The following CCDC27 variants were observed in gnomAD, a reference collection of about 807,000 sequenced individuals.
The protein encoded by CCDC27 is coiled-coil domain-containing protein 27.
In CCDC27, 80 loss-of-function variants were observed where a neutral mutation model predicts 80.3. That is an observed-to-expected ratio of 1.00 (90% confidence interval 0.83 to 1.20). CCDC27 has a LOEUF of 1.20. Ranked by LOEUF, CCDC27 falls within the 50% of genes most tolerant of loss-of-function variation. The probability of loss-of-function intolerance (pLI) is 0.00; values close to 1 mark genes in which losing one functional copy is unlikely to be tolerated. For synonymous variants in CCDC27, 342 were observed against 334.3 expected (o/e 1.02, Z -0.25); for missense variants, 815 against 809.4 (o/e 1.01, Z -0.08).
Position 3,766,901 on chromosome 1 carries a change from T to C in CCDC27, c.1530+289T>C, listed in dbSNP as rs1643239799. Among the ~76,000 whole-genome samples, 1 of 141,316 alleles carries C rather than the reference T, an allele frequency of 7.1e-6. No individual in the cohort carries two copies. Among genetic ancestry groups the C allele is most frequent in the African/African-American group, 2.7e-5 (1 of 36,766 alleles). 92.7% of individuals were successfully genotyped at this position (141,316 alleles called of 152,430 possible). On this transcript the variant is annotated intron_variant, in intron 9 of 11. Coordinates refer to ENST00000294600, the MANE Select transcript of CCDC27 (RefSeq NM_152492.3). This position sits in a 1 kb window ranked among gnomAD's most constrained non-coding sequence, Gnocchi z 6.1. ...CCGTCACCAGGCTGGAGTGCAGTGG[T>C]GTGATCTCAGCTCACTGCAACCTCC...
Position 3,769,917 on chromosome 1 carries a change from C to G in CCDC27, c.1848+30C>G. On this transcript the variant is annotated intron_variant, in intron 11 of 11. Transcript: ENST00000294600. This position sits in a 1 kb window ranked among gnomAD's most constrained non-coding sequence, Gnocchi z 4.6. ...ACCCCTAAGCTCAGCTGCCTCTATC[C>G]GGGCCCCAGACCCCCAGGCCAGAGC... 1 of 1,551,182 alleles carries G rather than the reference C, an allele frequency of 6.4e-7. No homozygotes were observed. The highest frequency in any genetic ancestry group is 8.9e-7 in the Non-Finnish European group (1 of 1,122,696).
chr1:3,756,719 C>G lies in CCDC27; in HGVS notation c.554-14C>G. 1.9e-6 allele frequency: 3 copies of G among 1,613,296 alleles called. No individual in the cohort carries two copies. Among genetic ancestry groups the G allele is most frequent in the Admixed American group, 3.3e-5 (2 of 59,988 alleles). The stretch of plus-strand genomic sequence containing the variant: ...AGGGTCTCATTTCTCACTTGGCCTC[C>G]GCTGTCGCCACAGGGTACCTCCTTC... On this transcript the variant is annotated splice_polypyrimidine_tract_variant and intron_variant, in intron 3 of 11. Coordinates refer to ENST00000294600, the MANE Select transcript of CCDC27 (RefSeq NM_152492.3).
chr1:3,758,493 T>C (rs1643015363), intron 4 of CCDC27, among the ~76,000 whole-genome samples: 1 of 151,924 alleles, frequency 6.6e-6, no homozygotes, highest in South Asian at 2.1e-4. Flanking sequence ...GCCTTTATTT[T>C]TTAGAGAAAG....
intron 11 of CCDC27, 61 bp from the exon 12 acceptor site, chr1:3,771,340 G>A (rs1643357869): frequency 5.0e-6 from 8 of 1,609,644 alleles, no homozygotes; most frequent in Admixed American, 1.7e-5. Flanking sequence ...TGTGCAGACC[G>A]GCCTCAAGGC....
rs1373129168 is a variant in CCDC27 at position 3,763,874 on chromosome 1, C to CA, written c.1452+39dup. Reference sequence around the variant, plus strand: ...TCAGTACCGGCCTCCGCTCCATGAGCATGGGCCCCAGGCTTCATTAACCCC... The same window carrying CA: ...TCAGTACCGGCCTCCGCTCCATGAGCAATGGGCCCCAGGCTTCATTAACCCC... On this transcript the variant is annotated intron_variant, in intron 8 of 11. Coordinates refer to ENST00000294600, the MANE Select transcript of CCDC27 (RefSeq NM_152492.3). The surrounding 1 kb of genome is among the most constrained non-coding windows in gnomAD (Gnocchi z 7.5). 27 of 1,605,916 alleles carry CA rather than the reference C, an allele frequency of 1.7e-5. No individual in the cohort carries two copies. The highest frequency in any genetic ancestry group is 2.2e-5 in the Non-Finnish European group (26 of 1,174,676).
chr1:3,761,477 T>G lies in CCDC27; in HGVS notation c.861+47T>G. The G allele has an allele frequency of 6.3e-7, 1 of 1,589,292 alleles. No individual in the cohort carries two copies. Among genetic ancestry groups the G allele is most frequent in the Non-Finnish European group, 8.6e-7 (1 of 1,167,646 alleles). ...ACAGCGCAGAGCTCTAAGACGGTTG[T>G]TTTCAAAGCGTCCAAAGCTGCTAGT... On this transcript the variant is annotated intron_variant, in intron 5 of 11. Transcript: ENST00000294600. This position sits in a 1 kb window ranked among gnomAD's most constrained non-coding sequence, Gnocchi z 5.0.
chr1:3,761,231 G>C lies in CCDC27; in HGVS notation c.712-50G>C. On this transcript the variant is annotated intron_variant, in intron 4 of 11. Transcript: ENST00000294600. The surrounding 1 kb of genome is among the most constrained non-coding windows in gnomAD (Gnocchi z 5.0). ...GTGGGCTGGAGGCAGGTCAGGGGAAGAGTGTGTGGCTGCATGGCCCACGGG... is the reference window on the plus strand; with the variant it reads ...GTGGGCTGGAGGCAGGTCAGGGGAACAGTGTGTGGCTGCATGGCCCACGGG... 1 of 1,595,066 alleles carries C rather than the reference G, an allele frequency of 6.3e-7. No individual in the cohort carries two copies. Among genetic ancestry groups the C allele is most frequent in the Non-Finnish European group, 8.6e-7 (1 of 1,169,584 alleles).
chr1:3,752,740 CA>C lies in CCDC27; in HGVS notation c.263del (p.Lys88SerfsTer122). The C allele has an allele frequency of 1.2e-6, 2 of 1,613,758 alleles. No homozygotes were observed. Among genetic ancestry groups the C allele is most frequent in the Non-Finnish European group, 1.7e-6 (2 of 1,180,022 alleles). ...CCGGTGCCCAGAATGGAAACCGCACCAAAAGCCACGCACGCTCAGCAAGTCG... is the reference window on the plus strand; with the variant it reads ...CCGGTGCCCAGAATGGAAACCGCACCAAAGCCACGCACGCTCAGCAAGTCG... ...DARCPEWKPH[Q>X]KPRTLSKSVQ... On this transcript the variant is annotated frameshift_variant, in exon 1 of 12. Coordinates refer to ENST00000294600, the MANE Select transcript of CCDC27 (RefSeq NM_152492.3). LOFTEE classifies it high-confidence loss of function.
rs775385715 is a variant in CCDC27 at position 3,767,425 on chromosome 1, C to A, written c.1723C>A (p.Leu575Met). ...GGCAGAGCAGCACACCCGCGTGGCCCTGGAGAGCTCCCAGTCCAGGGTATG... is the reference window on the plus strand; with the variant it reads ...GGCAGAGCAGCACACCCGCGTGGCCATGGAGAGCTCCCAGTCCAGGGTATG... ...QQAEQHTRVA[L>M]ESSQSRLERL... The change falls in exon 10 of 12, where the codon CTG becomes ATG. Residue 575 changes from leucine (L) to methionine (M), a missense_variant. By Grantham distance (15) the Leu-to-Met change is conservative. Transcript: ENST00000294600. 5.0e-6 allele frequency: 8 copies of A among 1,612,712 alleles called. No homozygotes were observed. The highest frequency in any genetic ancestry group is 5.9e-6 in the Non-Finnish European group (7 of 1,179,836).
Position 3,761,624 on chromosome 1 carries a change from T to C in CCDC27, c.861+194T>C, listed in dbSNP as rs543120118. 3.3e-5 allele frequency among the ~76,000 whole-genome samples: 5 copies of C among 151,278 alleles called. No individual in the cohort carries two copies. In the South Asian group the frequency reaches 1.1e-3, roughly 32 times the overall value. On this transcript the variant is annotated intron_variant, in intron 5 of 11. Coordinates refer to ENST00000294600, the MANE Select transcript of CCDC27 (RefSeq NM_152492.3). The surrounding 1 kb of genome is among the most constrained non-coding windows in gnomAD (Gnocchi z 5.0). ...GGGAGAGGCGAACAGAGGCACGAAA[T>C]GACAAATGAGAGCCATGAGCTGATG... is the stretch of plus-strand genomic sequence containing the variant.
chr1:3,753,805 G>A (rs1173911244), intron 1 of CCDC27, among the ~76,000 whole-genome samples: 1 of 152,172 alleles, frequency 6.6e-6, no homozygotes, highest in African/African-American at 2.4e-5. Flanking sequence ...GTGGGGTCGG[G>A]GGGCCTGTCT....
At chr1:3,764,538 G>A (rs749973463) in intron 8 of CCDC27, among the ~76,000 whole-genome samples, 15 of 151,790 alleles carry the variant, frequency 9.9e-5, no homozygotes, top group Non-Finnish European at 2.1e-4. Flanking sequence ...CCTCCTCCTC[G>A]TATCATTCTA....
At chr1:3,758,217 G>C (rs546794967) in intron 4 of CCDC27, among the ~76,000 whole-genome samples, 1 of 152,090 alleles carries the variant, frequency 6.6e-6, no homozygotes, top group African/African-American at 2.4e-5. Flanking sequence ...TTGAGACAGA[G>C]TCTCTCTCTG....
Position 3,761,569 on chromosome 1 carries a change from C to A in CCDC27, c.861+139C>A. On this transcript the variant is annotated intron_variant, in intron 5 of 11. Transcript: ENST00000294600. The surrounding 1 kb of genome is among the most constrained non-coding windows in gnomAD (Gnocchi z 5.0). ...TATCAGGTCCTCACTGGAACGTGGACCGGTTCTCAGGGTTCTGATCAACAG... is the reference window on the plus strand; with the variant it reads ...TATCAGGTCCTCACTGGAACGTGGAACGGTTCTCAGGGTTCTGATCAACAG... 1 of 1,005,450 alleles carries A rather than the reference C, an allele frequency of 9.9e-7. No individual in the cohort carries two copies. The allele number at this position is 1,005,450 out of a possible 1,614,324, so 62.3% of individuals were successfully genotyped here.
chr1:3,763,374 TGAG>T lies in CCDC27; in HGVS notation c.1228_1230del (p.Glu410del). Reference sequence around the variant, plus strand: ...GGGCCTCCTCCCTGGCCGAGTCGTTTGAGGAGGAGCTGCTGGCCCAGCTGGAGG... The same window carrying T: ...GGGCCTCCTCCCTGGCCGAGTCGTTTGAGGAGCTGCTGGCCCAGCTGGAGG... On this transcript the variant is annotated inframe_deletion, in exon 7 of 12. Coordinates refer to ENST00000294600, the MANE Select transcript of CCDC27 (RefSeq NM_152492.3). The surrounding 1 kb of genome is among the most constrained non-coding windows in gnomAD (Gnocchi z 7.5). 32 of 1,612,866 alleles carry T rather than the reference TGAG, an allele frequency of 2.0e-5. No homozygotes were observed. Among genetic ancestry groups the T allele is most frequent in the Non-Finnish European group, 2.7e-5 (32 of 1,179,956 alleles).
rs184926296 is a variant in CCDC27 at position 3,756,764 on chromosome 1, C to A, written c.585C>A (p.Cys195Ter). Residue 195 changes from cysteine (C) to a stop codon, truncating the protein, a stop_gained, in exon 4 of 12, where the codon TGC (cysteine) becomes TGA (stop). Coordinates refer to ENST00000294600, the MANE Select transcript of CCDC27 (RefSeq NM_152492.3). LOFTEE classifies it high-confidence loss of function. ...GYLLPFSKSI[C>*]EFDYLRKRRK... ...TCCTTCCCTTCAGTAAGAGCATCTG[C>A]GAGTTCGATTACTTGCGGAAGAGGA... 2 of 1,614,050 alleles carry A rather than the reference C, an allele frequency of 1.2e-6. No individual in the cohort carries two copies. Among genetic ancestry groups the A allele is most frequent in the Non-Finnish European group, 1.7e-6 (2 of 1,180,000 alleles).
chr1:3,757,098 C>G, intron 4 of CCDC27: 3 of 513,448 alleles, frequency 5.8e-6, no homozygotes, highest in Non-Finnish European at 1.0e-5. Flanking sequence ...GTGGCAGTTA[C>G]GCCGGCATGG....
Position 3,755,260 on chromosome 1 carries a change from G to A in CCDC27, c.443-197G>A, listed in dbSNP as rs1039289654. On this transcript the variant is annotated intron_variant, in intron 2 of 11. Transcript: ENST00000294600. ...GAGAAATTCAGCCACACTTGGGTCT[G>A]CTGAGGTGGAGACACCAGGGCAGGC... Among the ~76,000 whole-genome samples the A allele has an allele frequency of 2.6e-5, 4 of 152,224 alleles. No individual in the cohort carries two copies. In the South Asian group the frequency reaches 8.3e-4, roughly 32 times the overall value.
At chr1:3,759,950 C>T (rs913090037) in intron 4 of CCDC27, among the ~76,000 whole-genome samples, 1 of 152,188 alleles carries the variant, frequency 6.6e-6, no homozygotes, top group African/African-American at 2.4e-5. Context: ...GCTTGGCTGC[C>T]TCCAGGAGCT....
Sources: allele counts gnomAD v4.1 joint callset (sites outside exome capture counted in the v4.1 genomes callset), GRCh38; gene constraint gnomAD v4.1.1; non-coding constraint Gnocchi (gnomAD v3.1); transcripts MANE v1.5; gene names NCBI Gene and HGNC (gene_info 2026-07-23, HGNC 2026-07-21).